Variants in SCML4 observed in about 807,000 individuals in gnomAD.
The protein encoded by SCML4 is Scm polycomb group protein like 4.
A neutral mutation model predicts 41.1 loss-of-function variants in SCML4; 34 were observed. That is an observed-to-expected ratio of 0.83 (90% confidence interval 0.63 to 1.10). The LOEUF (loss-of-function observed/expected upper bound fraction) is 1.10. Among genes scored for constraint, SCML4 ranks in the 50% least tolerant of loss-of-function variants. SCML4 has a pLI of 0.00. For synonymous variants in SCML4, 214 were observed against 220.9 expected (o/e 0.97, Z 0.28); for missense variants, 522 against 534.1 (o/e 0.98, Z 0.22).
intron 1 of SCML4, among the ~76,000 whole-genome samples, chr6:107,790,309 A>G (rs1428808684): frequency 6.6e-6 from 1 of 152,196 alleles, no homozygotes; most frequent in Non-Finnish European, 1.5e-5. Context: ...CATACAGTGA[A>G]TCCTCCGCCA....
At chr6:107,744,832 T>C in intron 5 of SCML4, 117 bp downstream of exon 5, 1 of 857,828 alleles carries the variant, frequency 1.2e-6, no homozygotes, top group Non-Finnish European at 1.8e-6. Flanking sequence ...AGGCAGCCCA[T>C]GGGGCTCCAG....
chr6:107,741,162 A>G (rs1179576501), intron 5 of SCML4, among the ~76,000 whole-genome samples: 1 of 152,030 alleles, frequency 6.6e-6, no homozygotes, highest in Non-Finnish European at 1.5e-5. Flanking sequence ...AAAATCAAAA[A>G]CAAATGTACA....
intron 1 of SCML4, among the ~76,000 whole-genome samples, chr6:107,811,016 G>T (rs1784121589): frequency 1.3e-5 from 2 of 152,086 alleles, no homozygotes; most frequent in Non-Finnish European, 2.9e-5. Context: ...AATCCAATAG[G>T]GCTGGTGTCT....
At chr6:107,839,341 A>AAGAAAG in the SCML4 span, among the ~76,000 whole-genome samples, 312 of 12,932 alleles carry the variant, frequency 0.024, 9 homozygotes, top group East Asian at 0.078. Context: ...GAGAGAGAGA[A>AAGAAAG]AAAGAAAGAA....
chr6:107,732,029 C>G lies in SCML4; in HGVS notation c.683-11036G>C, dbSNP rs929536382. The G allele has an allele frequency of 2.0e-5, 3 of 152,380 alleles. No homozygotes were observed. The South Asian group carries it at 6.2e-4, about 32-fold the overall frequency. The allele number at this position is 152,380 out of a possible 1,614,324, so 9.4% of individuals were successfully genotyped here. A position where few individuals can be genotyped will look rare whatever the true frequency, so the allele number is the denominator to read the frequency against. ...CCTCTCCCACTGTCCTCTGGGGGAC[C>G]GCCGGTTTCCAGCACGTGCTTGGTG... On this transcript the variant is annotated intron_variant, in intron 5 of 7. Transcript: ENST00000369020.
intron 1 of SCML4, among the ~76,000 whole-genome samples, chr6:107,822,273 C>CT (rs931352770): frequency 1.4e-4 from 22 of 152,260 alleles, no homozygotes; most frequent in African/African-American, 5.3e-4. Flanking sequence ...TTGGGTCTGG[C>CT]TTGTTTTCTG....
chr6:107,742,427 T>C (rs1210918736), intron 5 of SCML4, among the ~76,000 whole-genome samples: 2 of 152,044 alleles, frequency 1.3e-5, no homozygotes, highest in Non-Finnish European at 2.9e-5. Flanking sequence ...CAAATATGCA[T>C]GTATAGGAAG....
intron 6 of SCML4, among the ~76,000 whole-genome samples, chr6:107,711,251 G>A (rs1739868): frequency 0.75 from 113,418 of 151,164 alleles, 42,758 homozygotes; most frequent in Admixed American, 0.81. Flanking sequence ...GAAGCGTTTG[G>A]TGAAAAATAC....
chr6:107,759,092 G>A (rs1335510449), intron 2 of SCML4, among the ~76,000 whole-genome samples: 1 of 127,664 alleles, frequency 7.8e-6, no homozygotes, highest in Non-Finnish European at 1.6e-5. Context: ...TTCAAGACCT[G>A]TCTGGACAAA....
At chr6:107,706,749 C>T (rs1473548883) in intron 7 of SCML4, among the ~76,000 whole-genome samples, 1 of 152,068 alleles carries the variant, frequency 6.6e-6, no homozygotes, top group Non-Finnish European at 1.5e-5. Flanking sequence ...TGGAAGAGGA[C>T]ATCAGCAGTG....
chr6:107,797,340 G>T (rs1317897198), intron 1 of SCML4, among the ~76,000 whole-genome samples: 1 of 151,968 alleles, frequency 6.6e-6, no homozygotes, highest in Non-Finnish European at 1.5e-5. Flanking sequence ...TGGTGTAGAC[G>T]TCTTGCACAT....
At chr6:107,772,446 G>A in intron 1 of SCML4, 60 bp from the exon 2 acceptor site, 4 of 986,082 alleles carry the variant, frequency 4.1e-6, no homozygotes, top group Non-Finnish European at 5.8e-6. Context: ...TGGTTTGCAA[G>A]GCAAACATGA....
intron 2 of SCML4, among the ~76,000 whole-genome samples, chr6:107,767,405 C>A (rs1279298165): frequency 6.6e-6 from 1 of 152,140 alleles, no homozygotes; most frequent in Non-Finnish European, 1.5e-5. Context: ...AACGAAAACC[C>A]TTTCTACTTA....
chr6:107,751,616 T>TC (rs1562218800), intron 2 of SCML4, among the ~76,000 whole-genome samples: 3 of 147,702 alleles, frequency 2.0e-5, no homozygotes, highest in East Asian at 2.1e-4. Flanking sequence ...CTTTCTTTCT[T>TC]TCTTTCTTTC....
chr6:107,738,869 G>C (rs1222721784), intron 5 of SCML4, among the ~76,000 whole-genome samples: 3 of 152,086 alleles, frequency 2.0e-5, no homozygotes, highest in African/African-American at 7.2e-5. Flanking sequence ...AGAACATCTT[G>C]CTCCTACTCC....
chr6:107,817,609 A>G (rs1041611134), intron 1 of SCML4, among the ~76,000 whole-genome samples: 1 of 122,380 alleles, frequency 8.2e-6, no homozygotes, highest in African/African-American at 3.3e-5. Flanking sequence ...CAACAGAGGA[A>G]GACTTCATCT....
At chr6:107,837,686 G>A in the SCML4 span, among the ~76,000 whole-genome samples, 7,612 of 152,090 alleles carry the variant, frequency 0.05, 556 homozygotes, top group East Asian at 0.16. Context: ...CCAACTCTGT[G>A]GAAAGCTATT....
intron 2 of SCML4, among the ~76,000 whole-genome samples, chr6:107,767,368 G>A (rs1268317132): frequency 6.6e-6 from 1 of 152,128 alleles, no homozygotes; most frequent in Non-Finnish European, 1.5e-5. Context: ...TTTAGAAAGA[G>A]GCTTTAAACA....
intron 5 of SCML4, among the ~76,000 whole-genome samples, chr6:107,729,026 C>T (rs927662789): frequency 6.6e-6 from 1 of 152,308 alleles, no homozygotes; most frequent in Non-Finnish European, 1.5e-5. Context: ...ATGGATGGCC[C>T]TCATCATTCG....
Sources: gnomAD v4.1 joint callset for allele counts (sites outside exome capture counted in the v4.1 genomes callset) on GRCh38, gnomAD v4.1.1 for gene constraint, MANE v1.5 for transcripts, NCBI Gene and HGNC (gene_info 2026-07-23, HGNC 2026-07-21) for gene names.